Variants in ECE1 observed in about 807,000 individuals in gnomAD.
The protein encoded by ECE1 is endothelin converting enzyme 1, also known as endothelin-converting enzyme 1.
In ECE1, 35 loss-of-function variants were observed where a neutral mutation model predicts 98.6. That is an observed-to-expected ratio of 0.35 (90% CI 0.27 to 0.47). The LOEUF is 0.47. Ranked by LOEUF, ECE1 falls within the 20% of genes least tolerant of loss-of-function variation. The pLI is 1.00. For synonymous variants in ECE1, 394 were observed against 407.1 expected (o/e 0.97, Z 0.39); for missense variants, 814 against 1,025.3 (o/e 0.79, Z 2.81).
intron 1 of ECE1, among the ~76,000 whole-genome samples, chr1:21,324,064 C>T (rs1215782402): frequency 6.6e-6 from 1 of 152,068 alleles, no homozygotes; most frequent in Non-Finnish European, 1.5e-5. Flanking sequence ...TCAAGTGATC[C>T]ACCTGCCTCA....
At chr1:21,308,469 G>A (rs1238295401) in intron 1 of ECE1, among the ~76,000 whole-genome samples, 1 of 152,138 alleles carries the variant, frequency 6.6e-6, no homozygotes, top group East Asian at 1.9e-4. Flanking sequence ...GGGAGGAAGG[G>A]CGTCTTGTGA....
intron 8 of ECE1, among the ~76,000 whole-genome samples, chr1:21,252,676 T>C (rs1176215693): frequency 2.0e-5 from 3 of 152,342 alleles, no homozygotes; most frequent in South Asian, 2.1e-4. Context: ...AAGCATTCTG[T>C]ACCCCAGCAG....
intron 1 of ECE1, among the ~76,000 whole-genome samples, chr1:21,304,374 C>T (rs1246171924): frequency 6.7e-6 from 1 of 149,094 alleles, no homozygotes; most frequent in Non-Finnish European, 1.5e-5. Context: ...ACATTCTCCA[C>T]GTGGTGGCTG....
Position 21,290,269 on chromosome 1 carries a change from G to A in ECE1, c.51+95C>T. Reference sequence around the variant, plus strand: ...CGCCGCCGCGCCCCGCCCCGGCCTGGACACCCGAGACCGAGACCGGCCCAC... The same window carrying A: ...CGCCGCCGCGCCCCGCCCCGGCCTGAACACCCGAGACCGAGACCGGCCCAC... On this transcript the variant is annotated intron_variant, in intron 1 of 18. Transcript: ENST00000374893. The surrounding 1 kb of genome is among the most constrained non-coding windows in gnomAD (Gnocchi z 7.3). 1 of 1,339,768 alleles carries A rather than the reference G, an allele frequency of 7.5e-7. No homozygotes were observed. The highest frequency in any genetic ancestry group is 9.6e-7 in the Non-Finnish European group (1 of 1,042,036). 83.0% of individuals were successfully genotyped at this position (1,339,768 alleles called of 1,614,324 possible). A position where few individuals can be genotyped will look rare whatever the true frequency, so the allele number is the denominator to read the frequency against.
intron 18 of ECE1, among the ~76,000 whole-genome samples, chr1:21,221,163 AGGGATGATCT>A (rs989260057): frequency 2.0e-5 from 3 of 152,152 alleles, no homozygotes; most frequent in African/African-American, 7.2e-5. Context: ...TGCCGACTGA[AGGGATGATCT>A]GGGATGATCA....
At chr1:21,311,509 C>CAAAAAAAA (rs397979522) in intron 1 of ECE1, among the ~76,000 whole-genome samples, 5,775 of 73,858 alleles carry the variant, frequency 0.078, 410 homozygotes, top group Middle Eastern at 0.16. Context: ...CCTGTCTCCA[C>CAAAAAAAA]AAAAAAAAAA....
chr1:21,248,596 C>T (rs1275121524), intron 8 of ECE1, among the ~76,000 whole-genome samples: 10 of 151,984 alleles, frequency 6.6e-5, no homozygotes, highest in Non-Finnish European at 7.4e-5. Flanking sequence ...TCTCTGTGAC[C>T]CTAAAGGCGC....
rs1046033706 is a variant in ECE1 at position 21,235,515 on chromosome 1, C to A, written c.1566+335G>T. On this transcript the variant is annotated intron_variant, in intron 13 of 18. Coordinates refer to ENST00000374893, the MANE Select transcript of ECE1 (RefSeq NM_001397.3). The surrounding 1 kb of genome is among the most constrained non-coding windows in gnomAD (Gnocchi z 4.2). Reference sequence around the variant, plus strand: ...GTCTGAGGGCCACCAATTCTCTCTGCACCTTCTGGGGTCTGTTTCCTCCAT... The same window carrying A: ...GTCTGAGGGCCACCAATTCTCTCTGAACCTTCTGGGGTCTGTTTCCTCCAT... Among the ~76,000 whole-genome samples, 12 of 152,180 alleles carry A rather than the reference C, an allele frequency of 7.9e-5. No individual in the cohort carries two copies. Among genetic ancestry groups the A allele is most frequent in the African/African-American group, 2.4e-4 (10 of 41,438 alleles).
chr1:21,253,166 C>T (rs940881912), intron 8 of ECE1, among the ~76,000 whole-genome samples: 3 of 152,044 alleles, frequency 2.0e-5, no homozygotes, highest in African/African-American at 7.2e-5. Flanking sequence ...AAGTGATTCT[C>T]CTGCCTCAGC....
intron 4 of ECE1, among the ~76,000 whole-genome samples, chr1:21,263,971 C>G (rs1408643308): frequency 2.6e-5 from 4 of 152,168 alleles, no homozygotes; most frequent in Admixed American, 6.5e-5. Context: ...GAGGCTGCTG[C>G]AGGGGACCAG....
At chr1:21,270,734 T>TC (rs1447168266) in intron 4 of ECE1, among the ~76,000 whole-genome samples, 2 of 152,154 alleles carry the variant, frequency 1.3e-5, no homozygotes, top group Non-Finnish European at 2.9e-5. Flanking sequence ...TAAATGTATT[T>TC]CCCATTTAAT....
At chr1:21,251,824 C>G (rs1161094230) in intron 8 of ECE1, among the ~76,000 whole-genome samples, 1 of 152,216 alleles carries the variant, frequency 6.6e-6, no homozygotes, top group African/African-American at 2.4e-5. Flanking sequence ...GCTGATAGAT[C>G]TGTGCCTCTT....
In ECE1 at chr1:21,319,945, CTT is replaced by C. The variant is rs374192436; in HGVS notation, c.3+25429_3+25430del. Among the ~76,000 whole-genome samples the C allele has an allele frequency of 1.3e-3, 205 of 152,330 alleles. 3 individuals carry two copies. Among genetic ancestry groups the C allele is most frequent in the African/African-American group, 4.1e-3 (171 of 41,570 alleles). ...TTTACACTCGGCAGCAGCGTCCCAT[CTT>C]TTGACTTCCCTGGGCCACAATGTAA... On this transcript the variant is annotated intron_variant, in intron 1 of 18. Coordinates refer to the ECE1 transcript ENST00000415912. The surrounding 1 kb of genome is among the most constrained non-coding windows in gnomAD (Gnocchi z 4.4).
chr1:21,261,319 AT>A (rs1160100798), intron 4 of ECE1, among the ~76,000 whole-genome samples: 3 of 152,040 alleles, frequency 2.0e-5, no homozygotes, highest in Admixed American at 2.0e-4. Flanking sequence ...TCCTTCAAAG[AT>A]CCCTCAAACC....
rs1018103446 is a variant in ECE1 at position 21,218,132 on chromosome 1, G to A, written c.*1823C>T. The A allele has an allele frequency of 6.6e-6, 1 of 152,352 alleles. No individual in the cohort carries two copies. The highest frequency in any genetic ancestry group is 2.4e-5 in the African/African-American group (1 of 41,474). 9.4% of individuals were successfully genotyped at this position (152,352 alleles called of 1,614,324 possible). ...ACTGGAGAAGCTGTGGTCTCAGGGA[G>A]GAGACAGACACCACAGGCCAGACTG... is the stretch of plus-strand genomic sequence containing the variant. On this transcript the variant is annotated 3_prime_UTR_variant, in exon 19 of 19. Transcript: ENST00000374893. This position sits in a 1 kb window ranked among gnomAD's most constrained non-coding sequence, Gnocchi z 4.0.
chr1:21,307,065 GTCCACCGAGGAC>G lies in ECE1; in HGVS notation c.4-16921_4-16910del, dbSNP rs1270781409. 6.6e-6 allele frequency among the ~76,000 whole-genome samples: 1 copy of G among 152,128 alleles called. No homozygotes were observed. Among genetic ancestry groups the G allele is most frequent in the Admixed American group, 6.5e-5 (1 of 15,274 alleles). ...AACTCTTGGGCTTAGGATGACTGAGGTCCACCGAGGACTCCCTCGTCTCCCTGCACTCAAGAC... is the reference window on the plus strand; with the variant it reads ...AACTCTTGGGCTTAGGATGACTGAGGTCCCTCGTCTCCCTGCACTCAAGAC... On this transcript the variant is annotated intron_variant, in intron 1 of 18. Transcript: ENST00000415912. This position sits in a 1 kb window ranked among gnomAD's most constrained non-coding sequence, Gnocchi z 4.2.
intron 1 of ECE1, chr1:21,298,851 C>T (rs1444572347): frequency 4.4e-6 from 2 of 456,194 alleles, no homozygotes; most frequent in Non-Finnish European, 8.8e-6. Context: ...TGTCACCTCC[C>T]AGCTGGGTTT....
At chr1:21,238,686 AG>A (rs2098191580) in intron 10 of ECE1, among the ~76,000 whole-genome samples, 1 of 152,178 alleles carries the variant, frequency 6.6e-6, no homozygotes, top group Non-Finnish European at 1.5e-5. Flanking sequence ...GGAGTCCTGG[AG>A]GCAAAGAGCG....
At chr1:21,296,450 C>G (rs977609918) in intron 1 of ECE1, among the ~76,000 whole-genome samples, 4 of 152,074 alleles carry the variant, frequency 2.6e-5, no homozygotes, top group African/African-American at 4.8e-5. Flanking sequence ...AAGGTTGAGG[C>G]TACAGTGAGC....
Sources: allele counts gnomAD v4.1 joint callset (sites outside exome capture counted in the v4.1 genomes callset), GRCh38; gene constraint gnomAD v4.1.1; non-coding constraint Gnocchi (gnomAD v3.1); transcripts MANE v1.5; gene names NCBI Gene and HGNC (gene_info 2026-07-23, HGNC 2026-07-21).